SLF1: variants seen among roughly 807,000 people sequenced by gnomAD.
The protein encoded by SLF1 is SMC5-SMC6 complex localization factor protein 1.
SLF1 carries 105 observed loss-of-function variants against 123.0 expected under a neutral mutation model. The observed-to-expected ratio is 0.85, with a 90% CI of 0.73 to 1.00. The LOEUF (loss-of-function observed/expected upper bound fraction) is 1.00. SLF1 is among the 50% of genes least tolerant of loss of function. The pLI is 0.00. For missense variants in SLF1, 1,239 were observed against 1,223.0 expected (o/e 1.01, Z -0.20); for synonymous variants, 434 against 406.6 (o/e 1.07, Z -0.81).
At chr5:94,618,937 C>G (rs1284798030) in intron 1 of SLF1, among the ~76,000 whole-genome samples, 172 bp downstream of exon 1, 2 of 152,200 alleles carry the variant, frequency 1.3e-5, no homozygotes, top group African/African-American at 4.8e-5. Flanking sequence ...GCAGTTCGTT[C>G]CAGCTCTCCC....
At chr5:94,675,070 T>C (rs1750891464) in intron 14 of SLF1, among the ~76,000 whole-genome samples, 1 of 152,252 alleles carries the variant, frequency 6.6e-6, no homozygotes. Context: ...GTGTGTGCTT[T>C]ATGTTTGCAT....
chr5:94,662,501 A>G, intron 10 of SLF1, 150 bp downstream of exon 10: 1 of 607,600 alleles, frequency 1.6e-6, no homozygotes, highest in Non-Finnish European at 2.5e-6. Context: ...TTCTCTAATC[A>G]GAAATGATAA....
intron 19 of SLF1, 133 bp downstream of exon 19, chr5:94,691,789 A>T: frequency 1.4e-6 from 1 of 730,936 alleles, no homozygotes; most frequent in Non-Finnish European, 2.0e-6. Flanking sequence ...AAAATTTCTT[A>T]GCAAAGCCAA....
chr5:94,652,138 G>A (rs973904011), intron 7 of SLF1, among the ~76,000 whole-genome samples: 43 of 151,788 alleles, frequency 2.8e-4, no homozygotes, highest in Non-Finnish European at 5.7e-4. Flanking sequence ...CTCCCAAGTA[G>A]CTGGGACTAC....
At chr5:94,667,231 C>G (rs1008506592) in intron 12 of SLF1, among the ~76,000 whole-genome samples, 3 of 152,074 alleles carry the variant, frequency 2.0e-5, no homozygotes, top group Non-Finnish European at 4.4e-5. Context: ...AATAACAGTT[C>G]CTGCACTTTG....
intron 12 of SLF1, among the ~76,000 whole-genome samples, chr5:94,669,704 T>TAAA (rs11424313): frequency 1.3e-5 from 2 of 151,656 alleles, no homozygotes; most frequent in Admixed American, 6.6e-5. Context: ...TTAAAAACGC[T>TAAA]AAAAAAGTAG....
chr5:94,640,719 T>G (rs1746347594), intron 4 of SLF1, among the ~76,000 whole-genome samples: 1 of 152,206 alleles, frequency 6.6e-6, no homozygotes, highest in Non-Finnish European at 1.5e-5. Context: ...ATCTTAAAAT[T>G]CAGTGATTCC....
At chr5:94,654,526 A>G in intron 8 of SLF1, 104 bp from the exon 9 acceptor site, 4 of 805,070 alleles carry the variant, frequency 5.0e-6, no homozygotes, top group Non-Finnish European at 6.9e-6. Context: ...GCTGTGGTTA[A>G]CATGGTATGA....
At chr5:94,686,462 T>C (rs111922341) in intron 15 of SLF1, 111 bp from the exon 16 acceptor site, 101 of 1,124,284 alleles carry the variant, frequency 9.0e-5, no homozygotes, top group African/African-American at 7.8e-4. Context: ...ATGAATCTTA[T>C]AGGTGTAAGA....
At chr5:94,620,880 ACTGT>A (rs1791726115) in intron 1 of SLF1, among the ~76,000 whole-genome samples, 1 of 152,254 alleles carries the variant, frequency 6.6e-6, no homozygotes, top group East Asian at 1.9e-4. Flanking sequence ...TTTAAAATAC[ACTGT>A]CTGGTTATTT....
intron 14 of SLF1, among the ~76,000 whole-genome samples, chr5:94,673,374 T>C (rs1268902926): frequency 2.0e-5 from 3 of 152,056 alleles, no homozygotes; most frequent in Non-Finnish European, 4.4e-5. Flanking sequence ...AGTTTTCTTC[T>C]CTAAGTGGGT....
rs972460901 is a variant in SLF1, at chr5:94,695,577, T to A, written c.*265T>A. ...TCTACTTTCATTAATGTTTTTTTGT[T>A]CTGAAAGTGATATTATATTGTACAT... On this transcript the variant is annotated 3_prime_UTR_variant, in exon 21 of 21. Coordinates refer to ENST00000265140, the MANE Select transcript of SLF1 (RefSeq NM_032290.4). 4.7e-6 allele frequency: 1 copy of A among 212,922 alleles called. No individual in the cohort carries two copies. The highest frequency in any genetic ancestry group is 2.3e-5 in the African/African-American group (1 of 43,394). The allele number at this position is 212,922 out of a possible 1,614,324, so 13.2% of individuals were successfully genotyped here.
chr5:94,626,462 C>T (rs1275336814), intron 1 of SLF1, among the ~76,000 whole-genome samples: 1 of 151,968 alleles, frequency 6.6e-6, no homozygotes, highest in Non-Finnish European at 1.5e-5. Flanking sequence ...CATTGGAGAG[C>T]CTTATCTTTA....
chr5:94,638,201 C>T (rs916797502), intron 4 of SLF1, among the ~76,000 whole-genome samples: 2 of 151,824 alleles, frequency 1.3e-5, no homozygotes, highest in African/African-American at 4.8e-5. Context: ...TTTTTTGAGA[C>T]AGAGTCTCAC....
At chr5:94,694,193 A>G (rs1475319039) in intron 20 of SLF1, among the ~76,000 whole-genome samples, 3 of 151,938 alleles carry the variant, frequency 2.0e-5, no homozygotes, top group Non-Finnish European at 4.4e-5. Context: ...TTTAGTACTT[A>G]GTGGATAAAC....
At chr5:94,665,524 G>C (rs1391800216) in intron 11 of SLF1, among the ~76,000 whole-genome samples, 2 of 152,188 alleles carry the variant, frequency 1.3e-5, no homozygotes, top group Non-Finnish European at 2.9e-5. Flanking sequence ...GCTGAGGTGG[G>C]CAGATCACAA....
intron 4 of SLF1, among the ~76,000 whole-genome samples, chr5:94,634,116 T>A (rs1745496310): frequency 6.6e-6 from 1 of 152,360 alleles, no homozygotes; most frequent in Admixed American, 6.5e-5. Context: ...ACTGATAGAA[T>A]AATTTAATTT....
intron 12 of SLF1, among the ~76,000 whole-genome samples, chr5:94,666,953 C>CTTTTTTTTT (rs34215806): frequency 5.7e-5 from 6 of 104,606 alleles, no homozygotes; most frequent in African/African-American, 7.3e-5. Flanking sequence ...CTGGGAAGAT[C>CTTTTTTTTT]TTTTTTTTTT....
intron 11 of SLF1, among the ~76,000 whole-genome samples, chr5:94,665,102 C>T (rs1404424773): frequency 6.6e-6 from 1 of 152,194 alleles, no homozygotes; most frequent in Non-Finnish European, 1.5e-5. Flanking sequence ...TACATAATCT[C>T]ATTCAGCAGC....
Sources: gnomAD v4.1 joint callset for allele counts (sites outside exome capture counted in the v4.1 genomes callset) on GRCh38, gnomAD v4.1.1 for gene constraint, MANE v1.5 for transcripts, NCBI Gene and HGNC (gene_info 2026-07-23, HGNC 2026-07-21) for gene names.